Variants in KLHL32 observed in about 807,000 individuals in gnomAD.
The protein encoded by KLHL32 is kelch like family member 32, also known as kelch-like protein 32.
KLHL32 carries 35 observed loss-of-function variants against 64.8 expected under a neutral mutation model. The observed-to-expected ratio is 0.54, with a 90% CI of 0.41 to 0.72. The LOEUF is 0.72. Among genes scored for constraint, KLHL32 ranks in the 30% least tolerant of loss-of-function variants. KLHL32 has a pLI of 0.00. For synonymous variants in KLHL32, 259 were observed against 281.0 expected (o/e 0.92, Z 0.78); for missense variants, 589 against 768.5 (o/e 0.77, Z 2.76).
intron 3 of KLHL32, among the ~76,000 whole-genome samples, chr6:97,022,676 G>A (rs897030560): frequency 6.6e-6 from 1 of 151,802 alleles, no homozygotes; most frequent in African/African-American, 2.4e-5. Flanking sequence ...CATCATGTTG[G>A]CCAGGCTGGT....
intron 6 of KLHL32, among the ~76,000 whole-genome samples, chr6:97,099,240 C>A (rs1199722475): frequency 2.6e-5 from 4 of 152,234 alleles, no homozygotes; most frequent in Non-Finnish European, 5.9e-5. Flanking sequence ...AGACTGCACC[C>A]CTCAACGGTG....
intron 1 of KLHL32, among the ~76,000 whole-genome samples, chr6:96,931,961 G>A (rs1215779445): frequency 6.6e-6 from 1 of 152,148 alleles, no homozygotes; most frequent in South Asian, 2.1e-4. Flanking sequence ...TATTATTTTG[G>A]AAATTTAGGT....
chr6:96,989,175 G>T (rs1480751799), intron 3 of KLHL32, among the ~76,000 whole-genome samples: 1 of 152,192 alleles, frequency 6.6e-6, no homozygotes, highest in Non-Finnish European at 1.5e-5. Context: ...AGACTTGATT[G>T]TGTGGTTGCT....
chr6:96,923,403 T>C (rs1406132078), upstream of KLHL32, among the ~76,000 whole-genome samples: 7 of 152,226 alleles, frequency 4.6e-5, no homozygotes, highest in African/African-American at 1.4e-4. Context: ...AGGATGACAC[T>C]GCACCTAATG....
At chr6:97,135,391 T>A (rs958733643) in intron 10 of KLHL32, among the ~76,000 whole-genome samples, 1 of 147,298 alleles carries the variant, frequency 6.8e-6, no homozygotes, top group Non-Finnish European at 1.5e-5. Flanking sequence ...CTGCAACTTC[T>A]GCCTCCTGGG....
chr6:96,969,561 GTTCC>G (rs1334888017), intron 2 of KLHL32, among the ~76,000 whole-genome samples: 1 of 152,118 alleles, frequency 6.6e-6, no homozygotes, highest in Non-Finnish European at 1.5e-5. Context: ...GTGGAGACTA[GTTCC>G]ACAAAAATCT....
At chr6:97,130,509 T>C (rs1483138927) in intron 8 of KLHL32, among the ~76,000 whole-genome samples, 1 of 152,192 alleles carries the variant, frequency 6.6e-6, no homozygotes, top group Non-Finnish European at 1.5e-5. Context: ...AAATGCACTA[T>C]AAAATGCAAC....
At chr6:97,001,251 CT>C (rs1562231252) in intron 3 of KLHL32, among the ~76,000 whole-genome samples, 1 of 152,140 alleles carries the variant, frequency 6.6e-6, no homozygotes, top group East Asian at 1.9e-4. Context: ...ATGGAGTAGG[CT>C]GTGCTTGTGG....
intron 1 of KLHL32, among the ~76,000 whole-genome samples, chr6:96,943,342 C>T (rs998968908): frequency 2.6e-5 from 4 of 151,330 alleles, no homozygotes; most frequent in African/African-American, 9.7e-5. Context: ...TCACACAAGA[C>T]CTGTGCGGTA....
chr6:97,023,502 G>C lies in KLHL32; in HGVS notation c.205-17990G>C, dbSNP rs1460882525. Among the ~76,000 whole-genome samples, 3 of 152,236 alleles carry C rather than the reference G, an allele frequency of 2.0e-5. No individual in the cohort carries two copies. The South Asian group carries it at 6.2e-4, about 32-fold the overall frequency. ...GCTGCTGTGGGGGTGGGAAACACAA[G>C]GGTCACTGTCTCTGTTTTCTTTCTA... On this transcript the variant is annotated intron_variant, in intron 3 of 10. Coordinates refer to ENST00000369261, the MANE Select transcript of KLHL32 (RefSeq NM_052904.4).
rs1214884483 is a variant in KLHL32, at chr6:96,981,316, A to G, written c.204+5139A>G. Among the ~76,000 whole-genome samples, 3 of 151,930 alleles carry G rather than the reference A, an allele frequency of 2.0e-5. No individual in the cohort carries two copies. The South Asian group carries it at 6.2e-4, about 32-fold the overall frequency. On this transcript the variant is annotated intron_variant, in intron 3 of 10. Transcript: ENST00000369261. ...GTTGTATGTTTCCATGAATTTATCC[A>G]TTTCTACTAAATTATATCTTGTGCA...
At chr6:97,038,529 A>C (rs1396574848) in intron 3 of KLHL32, among the ~76,000 whole-genome samples, 1 of 152,154 alleles carries the variant, frequency 6.6e-6, no homozygotes, top group African/African-American at 2.4e-5. Context: ...TGGCAATGAT[A>C]TGGAGAAAGG....
intron 1 of KLHL32, among the ~76,000 whole-genome samples, chr6:96,940,680 T>C (rs5025220): frequency 0.32 from 48,769 of 152,064 alleles, 8,154 homozygotes; most frequent in African/African-American, 0.4. Context: ...GATAATAAGC[T>C]GAGTTACAGA....
rs1185947324 is a variant in KLHL32, at chr6:97,005,551, A to AT, written c.204+29377dup. On this transcript the variant is annotated intron_variant, in intron 3 of 10. Transcript: ENST00000369261. ...GGGAGTTGGTTGCTGTTCTTTTCCT[A>AT]TTTCTTCTAGGTGTGATATTAGGTT... Among the ~76,000 whole-genome samples, 19 of 151,138 alleles carry AT rather than the reference A, an allele frequency of 1.3e-4. 1 individual carries two copies. Among genetic ancestry groups the AT allele is most frequent in the Admixed American group, 1.1e-3 (17 of 15,186 alleles).
intron 4 of KLHL32, among the ~76,000 whole-genome samples, chr6:97,057,159 C>T (rs1178393296): frequency 2.1e-5 from 3 of 144,834 alleles, no homozygotes; most frequent in Non-Finnish European, 4.5e-5. Flanking sequence ...ATGCAGTTTT[C>T]CTATGTGAGT....
chr6:97,116,315 A>G (rs1797803077), intron 7 of KLHL32, among the ~76,000 whole-genome samples: 1 of 152,210 alleles, frequency 6.6e-6, no homozygotes, highest in Non-Finnish European at 1.5e-5. Flanking sequence ...TCAACAGTTA[A>G]TAACCACCAA....
chr6:96,944,117 A>G (rs1002774465), intron 1 of KLHL32, among the ~76,000 whole-genome samples: 1 of 152,184 alleles, frequency 6.6e-6, no homozygotes, highest in African/African-American at 2.4e-5. Context: ...CGTTATATCA[A>G]AGATGGGAGC....
chr6:97,050,383 G>C (rs1582847191), intron 4 of KLHL32, among the ~76,000 whole-genome samples: 2 of 152,218 alleles, frequency 1.3e-5, no homozygotes, highest in Middle Eastern at 6.8e-3. Flanking sequence ...GAGAGAGCAG[G>C]GTGACTCCTA....
rs1359084169 is a variant in KLHL32 at position 97,139,192 on chromosome 6, A to C, written c.1773A>C (p.Gly591=). ...YGPTLPFASN[G]IAACFLPAPY... is the part of the protein sequence containing the mutation. ...CTACACTCCCTTTTGCTTCCAATGG[A>C]ATAGCAGCATGCTTCCTTCCAGCTC... is the stretch of plus-strand genomic sequence containing the variant. Residue 591 remains glycine (G), a synonymous_variant, in exon 11 of 11, where the codon GGA becomes GGC. Transcript: ENST00000369261. The C allele has an allele frequency of 6.2e-7, 1 of 1,613,932 alleles. No individual in the cohort carries two copies. Among genetic ancestry groups the C allele is most frequent in the African/African-American group, 1.3e-5 (1 of 74,942 alleles).
Sources: allele counts gnomAD v4.1 joint callset (sites outside exome capture counted in the v4.1 genomes callset), GRCh38; gene constraint gnomAD v4.1.1; transcripts MANE v1.5; gene names NCBI Gene and HGNC (gene_info 2026-07-23, HGNC 2026-07-21).